The following MYH9 variants were observed in gnomAD, a reference collection of about 807,000 sequenced individuals.
MYH9 encodes myosin heavy chain 9.
MYH9 carries 29 observed loss-of-function variants against 241.9 expected under a neutral mutation model. The observed-to-expected ratio is 0.12, with a 90% confidence interval of 0.09 to 0.16. The LOEUF is 0.16. Among genes scored for constraint, MYH9 ranks in the 10% least tolerant of loss-of-function variants. The probability of loss-of-function intolerance (pLI) is 1.00; values close to 1 mark genes in which losing one functional copy is unlikely to be tolerated. For synonymous variants in MYH9, 1,047 were observed against 1,062.6 expected (o/e 0.99, Z 0.29); for missense variants, 1,803 against 2,595.5 (o/e 0.69, Z 6.63).
intron 4 of MYH9, 91 bp downstream of exon 4, chr22:36,327,370 G>T: frequency 6.7e-7 from 1 of 1,482,728 alleles, no homozygotes; most frequent in Non-Finnish European, 9.4e-7. Context: ...GGGGGACTCT[G>T]CAAGCCCCAG....
At chr22:36,314,976 G>A (rs1172197584) in intron 12 of MYH9, among the ~76,000 whole-genome samples, 1 of 152,086 alleles carries the variant, frequency 6.6e-6, no homozygotes, top group Non-Finnish European at 1.5e-5. Context: ...AAGAGATGGG[G>A]CCTTGCTTTG....
rs748916231 is a variant in MYH9 at position 36,305,924 on chromosome 22, G to T, written c.2159+6C>A. The T allele has an allele frequency of 2.5e-6, 4 of 1,612,876 alleles. No individual in the cohort carries two copies. Among genetic ancestry groups the T allele is most frequent in the Non-Finnish European group, 3.4e-6 (4 of 1,179,890 alleles). ...CAGGAGAAGCGGGCTCCGGGCCCTGGCTCACCTCTGCCGAAACTCCTGGAA... is the reference window on the plus strand; with the variant it reads ...CAGGAGAAGCGGGCTCCGGGCCCTGTCTCACCTCTGCCGAAACTCCTGGAA... On this transcript the variant is annotated splice_donor_region_variant and intron_variant, in intron 17 of 40. Transcript: ENST00000216181. The surrounding 1 kb of genome is among the most constrained non-coding windows in gnomAD (Gnocchi z 4.7).
chr22:36,387,118 C>T (rs1032513084), intron 1 of MYH9, among the ~76,000 whole-genome samples: 3 of 152,360 alleles, frequency 2.0e-5, no homozygotes, highest in Admixed American at 2.0e-4. Context: ...TCCTGTCTCG[C>T]GCCCGGGTCC....
chr22:36,300,268 C>A lies in MYH9; in HGVS notation c.2839-4G>T. 1 of 1,612,564 alleles carries A rather than the reference C, an allele frequency of 6.2e-7. No homozygotes were observed. Among genetic ancestry groups the A allele is most frequent in the Non-Finnish European group, 8.5e-7 (1 of 1,180,010 alleles). On this transcript the variant is annotated splice_polypyrimidine_tract_variant and splice_region_variant and intron_variant, in intron 22 of 40. Coordinates refer to ENST00000216181, the MANE Select transcript of MYH9 (RefSeq NM_002473.6). This position sits in a 1 kb window ranked among gnomAD's most constrained non-coding sequence, Gnocchi z 5.0. ...CCTCCAGCTGCTCCTCAAGCTCCTG[C>A]CGGGGGCCAGAGACACGGTAAGGAC...
Position 36,305,925 on chromosome 22 carries a change from C to T in MYH9, c.2159+5G>A, listed in dbSNP as rs2016961837. ...AGGAGAAGCGGGCTCCGGGCCCTGG[C>T]TCACCTCTGCCGAAACTCCTGGAAG... On this transcript the variant is annotated splice_donor_5th_base_variant and intron_variant, in intron 17 of 40. Transcript: ENST00000216181. The surrounding 1 kb of genome is among the most constrained non-coding windows in gnomAD (Gnocchi z 4.7). 6.2e-7 allele frequency: 1 copy of T among 1,612,936 alleles called. No individual in the cohort carries two copies. Among genetic ancestry groups the T allele is most frequent in the Non-Finnish European group, 8.5e-7 (1 of 1,179,910 alleles).
In MYH9 at chr22:36,284,511, C is replaced by T; in HGVS notation, c.5484G>A (p.Lys1828=). The part of the protein sequence containing the change: ...QLEEQLDNET[K]ERQAACKQVR... ...CCTGTTTGCAGGCTGCCTGGCGCTC[C>T]CTGCATGACAGACAAGGTGGCTCAG... Residue 1828 remains lysine (K), a splice_region_variant and synonymous_variant, in exon 39 of 41, where the codon AAG becomes AAA. Transcript: ENST00000216181. 1 of 1,612,230 alleles carries T rather than the reference C, an allele frequency of 6.2e-7. No homozygotes were observed. Among genetic ancestry groups the T allele is most frequent in the Non-Finnish European group, 8.5e-7 (1 of 1,180,006 alleles).
At chr22:36,377,843 G>A (rs762404047) in intron 1 of MYH9, among the ~76,000 whole-genome samples, 1 of 152,088 alleles carries the variant, frequency 6.6e-6, no homozygotes. Flanking sequence ...CCCGAGAGGC[G>A]GAGCTTGCAA....
intron 1 of MYH9, among the ~76,000 whole-genome samples, chr22:36,360,712 CAA>C (rs551858499): frequency 1.9e-4 from 21 of 109,766 alleles, no homozygotes; most frequent in Admixed American, 3.9e-4. Context: ...GACTCCATCT[CAA>C]AAAAAAAAAA....
chr22:36,374,096 G>A (rs1385023558), intron 1 of MYH9, among the ~76,000 whole-genome samples: 1 of 150,396 alleles, frequency 6.6e-6, no homozygotes, highest in Non-Finnish European at 1.5e-5. Context: ...AAAAACAGAA[G>A]AACTGGCTGG....
chr22:36,311,544 G>A (rs944068033), intron 14 of MYH9, among the ~76,000 whole-genome samples: 10 of 152,310 alleles, frequency 6.6e-5, no homozygotes, highest in African/African-American at 2.2e-4. Context: ...CAGGAATGCC[G>A]AGGTTGAGGA....
chr22:36,348,835 A>AGGGGGGGGGGGGGGGGGGGGGGCGGGG, intron 2 of MYH9, 69 bp downstream of exon 2: 1 of 869,014 alleles, frequency 1.2e-6, no homozygotes, highest in Non-Finnish European at 1.7e-6. Context: ...GGTGATGGGA[A>AGGGGGGGGGGGGGGGGGGGGGGCGGGG]GACCCGCCCC....
At chr22:36,337,574 G>A in intron 3 of MYH9, among the ~76,000 whole-genome samples, 1 of 152,214 alleles carries the variant, frequency 6.6e-6, no homozygotes, top group East Asian at 1.9e-4. Flanking sequence ...GCCACCAACT[G>A]CCCCGTTTGG....
chr22:36,349,422 A>T (rs896414700), intron 1 of MYH9, among the ~76,000 whole-genome samples, 167 bp from the exon 2 acceptor site: 2 of 152,192 alleles, frequency 1.3e-5, no homozygotes, highest in Non-Finnish European at 2.9e-5. Context: ...TGGGATAAAG[A>T]TGTGCATCAC....
In MYH9 at chr22:36,282,719, G is replaced by T. The variant is rs761625286; in HGVS notation, c.5832C>A (p.Asp1944Glu). 6.2e-7 allele frequency: 1 copy of T among 1,613,974 alleles called. No homozygotes were observed. The highest frequency in any genetic ancestry group is 1.1e-5 in the South Asian group (1 of 91,084). Residue 1944 changes from aspartate (D) to glutamate (E), a missense_variant, in exon 41 of 41, where the codon GAC (aspartate) becomes GAA (glutamate). Transcript: ENST00000216181. ...MARKGAGDGS[D>E]EEVDGKADGA... is the part of the protein sequence containing the mutation. ...CATCCGCTTTGCCATCTACCTCTTCGTCGGAGCCATCCCCGGCGCCTTTCC... is the reference window on the plus strand; with the variant it reads ...CATCCGCTTTGCCATCTACCTCTTCTTCGGAGCCATCCCCGGCGCCTTTCC...
intron 2 of MYH9, among the ~76,000 whole-genome samples, chr22:36,347,928 C>A (rs944060470): frequency 3.3e-5 from 5 of 151,348 alleles, no homozygotes; most frequent in Admixed American, 6.6e-5. Context: ...AACTGGCACT[C>A]CCTACTTTAG....
intron 5 of MYH9, among the ~76,000 whole-genome samples, chr22:36,323,536 GC>G (rs938758108): frequency 6.6e-6 from 1 of 152,194 alleles, no homozygotes; most frequent in African/African-American, 2.4e-5. Flanking sequence ...TCCGGGAACA[GC>G]AGCCGCCTGT....
intron 1 of MYH9, among the ~76,000 whole-genome samples, chr22:36,358,424 T>C (rs2017889578): frequency 6.6e-6 from 1 of 152,174 alleles, no homozygotes; most frequent in African/African-American, 2.4e-5. Context: ...AGGAAATCCA[T>C]GGCTTCCACC....
At chr22:36,375,600 CA>C (rs775068626) in intron 1 of MYH9, among the ~76,000 whole-genome samples, 9 of 152,228 alleles carry the variant, frequency 5.9e-5, no homozygotes, top group Non-Finnish European at 1.0e-4. Flanking sequence ...TCCAAGGCCA[CA>C]GAGTCAGGAG....
Position 36,320,556 on chromosome 22 carries a change from G to A in MYH9, c.869-193C>T, listed in dbSNP as rs2017234010. On this transcript the variant is annotated intron_variant, in intron 8 of 40. Transcript: ENST00000216181. The surrounding 1 kb of genome is among the most constrained non-coding windows in gnomAD (Gnocchi z 4.8). Reference sequence around the variant, plus strand: ...TCTGACACTCCCGTCTCCTGGCCCAGGAGAGCGCCAGGTCCTGTGATTTGC... The same window carrying A: ...TCTGACACTCCCGTCTCCTGGCCCAAGAGAGCGCCAGGTCCTGTGATTTGC... Among the ~76,000 whole-genome samples, 1 of 152,182 alleles carries A rather than the reference G, an allele frequency of 6.6e-6. No homozygotes were observed. Among genetic ancestry groups the A allele is most frequent in the South Asian group, 2.1e-4 (1 of 4,824 alleles).
Sources: allele counts gnomAD v4.1 joint callset (sites outside exome capture counted in the v4.1 genomes callset), GRCh38; gene constraint gnomAD v4.1.1; non-coding constraint Gnocchi (gnomAD v3.1); transcripts MANE v1.5; gene names NCBI Gene and HGNC (gene_info 2026-07-23, HGNC 2026-07-21).